SAMSN1: variants seen among roughly 807,000 people sequenced by gnomAD.
SAMSN1 encodes SAM domain-containing protein SAMSN-1.
In SAMSN1, 31 loss-of-function variants were observed where a neutral mutation model predicts 42.0. That is an observed-to-expected ratio of 0.74 (90% CI 0.55 to 1.00). SAMSN1 has a LOEUF of 1.00. Ranked by LOEUF, SAMSN1 falls within the 50% of genes least tolerant of loss-of-function variation. SAMSN1 has a pLI of 0.00. For synonymous variants in SAMSN1, 178 were observed against 151.9 expected (o/e 1.17, Z -1.26); for missense variants, 464 against 439.4 (o/e 1.06, Z -0.50).
rs1987001383 is a variant in SAMSN1, at chr21:14,498,487, T to G, written c.874A>C (p.Arg292=). The change falls in exon 7 of 8, where the codon AGA becomes CGA. Residue 292 remains arginine, a synonymous_variant. Transcript: ENST00000400566. ...TCAGCAGCTGATAGTAACCTTCTTCTGTCATCTGGGTTTTCAATATTTAAT... is the reference window on the plus strand; with the variant it reads ...TCAGCAGCTGATAGTAACCTTCTTCGGTCATCTGGGTTTTCAATATTTAAT... ...IELNIENPDD[R]RRLLSAAENF... is the part of the protein sequence containing the mutation. 1 of 1,611,648 alleles carries G rather than the reference T, an allele frequency of 6.2e-7. No homozygotes were observed. The highest frequency in any genetic ancestry group is 1.3e-5 in the African/African-American group (1 of 74,674).
At chr21:14,495,330 C>T (rs1476039194) in intron 7 of SAMSN1, among the ~76,000 whole-genome samples, 2 of 152,182 alleles carry the variant, frequency 1.3e-5, no homozygotes, top group African/African-American at 4.8e-5. Flanking sequence ...GCCAAATCAT[C>T]AGAACTCGAC....
At chr21:14,635,804 G>A (rs750491565) in intron 2 of SAMSN1, among the ~76,000 whole-genome samples, 1 of 151,926 alleles carries the variant, frequency 6.6e-6, no homozygotes, top group Non-Finnish European at 1.5e-5. Flanking sequence ...GATGCTCGCT[G>A]CAAACCAAGA....
At chr21:14,558,532 T>G (rs1980837236) in intron 2 of SAMSN1, among the ~76,000 whole-genome samples, 1 of 150,498 alleles carries the variant, frequency 6.6e-6, no homozygotes. Context: ...TACAAAAAAA[T>G]TAGCCGGCCG....
intron 2 of SAMSN1, among the ~76,000 whole-genome samples, chr21:14,566,290 A>C (rs1981113237): frequency 6.6e-6 from 1 of 152,230 alleles, no homozygotes; most frequent in African/African-American, 2.4e-5. Flanking sequence ...TACAAAAGCT[A>C]AGTAGTCAAT....
chr21:14,550,489 G>A (rs985929566), upstream of SAMSN1, among the ~76,000 whole-genome samples: 1 of 152,118 alleles, frequency 6.6e-6, no homozygotes, highest in African/African-American at 2.4e-5. Flanking sequence ...GGGAGCTACT[G>A]AGGTTTGCCA....
At chr21:14,614,909 T>C (rs1982797784) in intron 3 of SAMSN1, among the ~76,000 whole-genome samples, 1 of 152,208 alleles carries the variant, frequency 6.6e-6, no homozygotes, top group Non-Finnish European at 1.5e-5. Context: ...ATCTGGTTTA[T>C]GTTTGAAAAA....
At chr21:14,526,499 C>T (rs2822738) in intron 1 of SAMSN1, among the ~76,000 whole-genome samples, 3 of 152,072 alleles carry the variant, frequency 2.0e-5, no homozygotes, top group Non-Finnish European at 4.4e-5. Flanking sequence ...GAACTTAAGG[C>T]GATTCTTTTT....
chr21:14,655,206 T>G (rs1983896914), intron 1 of SAMSN1, among the ~76,000 whole-genome samples: 2 of 151,790 alleles, frequency 1.3e-5, no homozygotes, highest in Non-Finnish European at 2.9e-5. Context: ...AATCAAAAAT[T>G]AAACTCTAGA....
At chr21:14,597,791 A>AT (rs1982314930) in intron 6 of SAMSN1, 1 of 152,156 alleles carries the variant, frequency 6.6e-6, no homozygotes, top group Admixed American at 6.6e-5. Context: ...ACCATCCTTC[A>AT]TGTGTGCCTT....
At chr21:14,560,489 GT>G in intron 2 of SAMSN1, among the ~76,000 whole-genome samples, 1 of 152,224 alleles carries the variant, frequency 6.6e-6, no homozygotes, top group East Asian at 1.9e-4. Context: ...CTCTTTCTTT[GT>G]TCAGGTAACA....
chr21:14,558,415 C>T (rs547511747), intron 2 of SAMSN1, among the ~76,000 whole-genome samples: 4 of 152,082 alleles, frequency 2.6e-5, no homozygotes, highest in South Asian at 4.1e-4. Flanking sequence ...CAGTGGCTCA[C>T]GCCTGTAATC....
intron 3 of SAMSN1, among the ~76,000 whole-genome samples, chr21:14,615,352 A>C (rs752090390): frequency 6.6e-6 from 1 of 152,190 alleles, no homozygotes; most frequent in African/African-American, 2.4e-5. Flanking sequence ...AAAAAGCACA[A>C]GAGCTTTTGA....
Position 14,498,556 on chromosome 21 carries a change from T to G in SAMSN1, c.805A>C (p.Thr269Pro). The change falls in exon 7 of 8, where the codon ACT becomes CCT. Residue 269 changes from threonine (T) to proline (P), a missense_variant. Thr to Pro is a conservative substitution (Grantham distance 38). Coordinates refer to ENST00000400566, the MANE Select transcript of SAMSN1 (RefSeq NM_022136.5). Reference sequence around the variant, plus strand: ...TTTATATCTTTTAAATCTTCTAGAGTCTCATAACCATTGAGCAAAAGTGTT... The same window carrying G: ...TTTATATCTTTTAAATCTTCTAGAGGCTCATAACCATTGAGCAAAAGTGTT... ...TSTLLLNGYE[T>P]LEDLKDIKES... 1 of 1,605,810 alleles carries G rather than the reference T, an allele frequency of 6.2e-7. No individual in the cohort carries two copies. Among genetic ancestry groups the G allele is most frequent in the Non-Finnish European group, 8.5e-7 (1 of 1,177,534 alleles).
At chr21:14,609,425 G>T in intron 5 of SAMSN1, 3 of 713,812 alleles carry the variant, frequency 4.2e-6, no homozygotes, top group South Asian at 1.5e-5. Flanking sequence ...TTTCTTACCT[G>T]CCCTTTAAAC....
At chr21:14,584,882 A>G (rs1044522614), upstream of SAMSN1, among the ~76,000 whole-genome samples, 1 of 152,210 alleles carries the variant, frequency 6.6e-6, no homozygotes, top group Non-Finnish European at 1.5e-5. Flanking sequence ...GAAGTAAAGG[A>G]TATCTGACAT....
chr21:14,636,653 A>T (rs1242450209), intron 2 of SAMSN1, among the ~76,000 whole-genome samples: 2 of 152,174 alleles, frequency 1.3e-5, no homozygotes, highest in Non-Finnish European at 2.9e-5. Context: ...GATTGAGACC[A>T]TCCTGGCCAA....
chr21:14,494,250 C>T (rs751448047), intron 7 of SAMSN1, among the ~76,000 whole-genome samples: 1 of 152,170 alleles, frequency 6.6e-6, no homozygotes, highest in African/African-American at 2.4e-5. Flanking sequence ...ACTATAAAGA[C>T]ACATGCACAC....
At chr21:14,625,284 CAA>C (rs2123351079) in intron 2 of SAMSN1, among the ~76,000 whole-genome samples, 1 of 152,072 alleles carries the variant, frequency 6.6e-6, no homozygotes, top group South Asian at 2.1e-4. Context: ...CCAGGGCAAT[CAA>C]GCAGGAGAAA....
intron 1 of SAMSN1, among the ~76,000 whole-genome samples, chr21:14,541,187 G>A (rs369892442): frequency 2.0e-5 from 3 of 151,880 alleles, no homozygotes; most frequent in African/African-American, 7.3e-5. Flanking sequence ...TGTAAATGAC[G>A]AGTTAATGGT....
Sources: allele counts gnomAD v4.1 joint callset (sites outside exome capture counted in the v4.1 genomes callset), GRCh38; gene constraint gnomAD v4.1.1; transcripts MANE v1.5; gene names NCBI Gene and HGNC (gene_info 2026-07-23, HGNC 2026-07-21).